KIAA0513: variants seen among roughly 807,000 people sequenced by gnomAD.
The protein encoded by KIAA0513 is uncharacterized protein KIAA0513.
Under a neutral mutation model 56.5 loss-of-function variants are expected in KIAA0513, and 39 were observed. The ratio of observed to expected loss-of-function variants is 0.69; its 90% CI spans 0.53 to 0.90. KIAA0513 has a LOEUF of 0.90. KIAA0513 is among the 40% of genes least tolerant of loss of function. The pLI, the probability that KIAA0513 is intolerant of heterozygous loss-of-function variation, is 0.00. For synonymous variants in KIAA0513, 268 were observed against 215.6 expected (o/e 1.24, Z -2.13); for missense variants, 591 against 535.2 (o/e 1.10, Z -1.03).
Position 85,081,432 on chromosome 16 carries a change from G to A in KIAA0513, c.980+40G>A. On this transcript the variant is annotated intron_variant, in intron 9 of 12. Transcript: ENST00000683363. This position sits in a 1 kb window ranked among gnomAD's most constrained non-coding sequence, Gnocchi z 4.4. ...TGGCCCCATTTGGCCTCAGGAAAAA[G>A]GACCAGGGAGTGGCTTTATTTCCCG... 1 of 1,502,480 alleles carries A rather than the reference G, an allele frequency of 6.7e-7. No homozygotes were observed. The highest frequency in any genetic ancestry group is 9.1e-7 in the Non-Finnish European group (1 of 1,101,998). The allele number at this position is 1,502,480 out of a possible 1,614,324, so 93.1% of individuals were successfully genotyped here.
chr16:85,091,231 C>A lies in KIAA0513; in HGVS notation c.*2906C>A, dbSNP rs2144126047. The A allele has an allele frequency of 6.6e-6, 1 of 152,344 alleles. No homozygotes were observed. Among genetic ancestry groups the A allele is most frequent in the Admixed American group, 6.5e-5 (1 of 15,302 alleles). 9.4% of individuals were successfully genotyped at this position (152,344 alleles called of 1,614,324 possible). Reference sequence around the variant, plus strand: ...GCAAACAACTCACACAAGTGAAAAGCTCCCTGCTTTGAAAACAGGACATGT... The same window carrying A: ...GCAAACAACTCACACAAGTGAAAAGATCCCTGCTTTGAAAACAGGACATGT... On this transcript the variant is annotated 3_prime_UTR_variant, in exon 13 of 13. Coordinates refer to ENST00000683363, the MANE Select transcript of KIAA0513 (RefSeq NM_001388359.1).
At chr16:85,075,670 C>T (rs559930181) in intron 4 of KIAA0513, among the ~76,000 whole-genome samples, 174 bp from the exon 5 acceptor site, 6 of 152,290 alleles carry the variant, frequency 3.9e-5, no homozygotes, top group Admixed American at 2.0e-4. Flanking sequence ...AGTCCCAGGC[C>T]GTGTGCCTAC....
chr16:85,046,757 T>C (rs966195901), intron 1 of KIAA0513, among the ~76,000 whole-genome samples: 55 of 152,260 alleles, frequency 3.6e-4, no homozygotes, highest in African/African-American at 1.3e-3. Context: ...TTTCAGTTAC[T>C]GTATGTTTAG....
At chr16:85,038,290 C>A (rs892447212) in intron 1 of KIAA0513, among the ~76,000 whole-genome samples, 1 of 152,272 alleles carries the variant, frequency 6.6e-6, no homozygotes, top group African/African-American at 2.4e-5. Context: ...GCTGAAGGTG[C>A]TCCTTGCTGC....
At chr16:85,051,915 A>G (rs370487779) in intron 1 of KIAA0513, among the ~76,000 whole-genome samples, 17 of 151,166 alleles carry the variant, frequency 1.1e-4, no homozygotes, top group East Asian at 9.8e-4. Context: ...CAGCCTCCCA[A>G]AGTGCTGGGA....
intron 1 of KIAA0513, among the ~76,000 whole-genome samples, chr16:85,032,672 C>T (rs2072981467): frequency 6.6e-6 from 1 of 152,032 alleles, no homozygotes; most frequent in South Asian, 2.1e-4. Flanking sequence ...AGTCTGTCGT[C>T]CAGGCTGGAG....
chr16:85,077,743 G>A, intron 6 of KIAA0513, 111 bp downstream of exon 6: 1 of 785,486 alleles, frequency 1.3e-6, no homozygotes, highest in Non-Finnish European at 2.0e-6. Context: ...AGACTGTCAG[G>A]AACACTGCGC....
chr16:85,054,888 C>G (rs1201449853), intron 1 of KIAA0513, among the ~76,000 whole-genome samples: 1 of 152,068 alleles, frequency 6.6e-6, no homozygotes, highest in Non-Finnish European at 1.5e-5. Flanking sequence ...TGTGAGGGTT[C>G]ATTGAACGGC....
intron 1 of KIAA0513, among the ~76,000 whole-genome samples, chr16:85,046,917 C>G (rs960937640): frequency 6.6e-6 from 1 of 152,186 alleles, no homozygotes; most frequent in Non-Finnish European, 1.5e-5. Flanking sequence ...ATTCCAATGT[C>G]TCTGTTAGCT....
intron 1 of KIAA0513, among the ~76,000 whole-genome samples, chr16:85,066,229 C>T (rs977630018): frequency 2.0e-5 from 3 of 152,196 alleles, no homozygotes; most frequent in Admixed American, 6.5e-5. Flanking sequence ...AATAGAACTC[C>T]AGGGTGGGAA....
intron 2 of KIAA0513, among the ~76,000 whole-genome samples, chr16:85,069,380 C>CCA (rs2073538552): frequency 6.6e-6 from 1 of 152,110 alleles, no homozygotes; most frequent in Admixed American, 6.5e-5. Flanking sequence ...TGGCCAGCAG[C>CCA]TGATTCAGAA....
At chr16:85,087,703 C>T (rs1023598134) in intron 12 of KIAA0513, among the ~76,000 whole-genome samples, 1 of 152,206 alleles carries the variant, frequency 6.6e-6, no homozygotes, top group Non-Finnish European at 1.5e-5. Context: ...CTGCCACAGG[C>T]GTTGGTTCTT....
intron 11 of KIAA0513, 125 bp downstream of exon 11, chr16:85,086,849 T>TG: frequency 1.1e-6 from 1 of 937,652 alleles, no homozygotes; most frequent in African/African-American, 1.6e-5. Context: ...TTCATCACAC[T>TG]TGGCCTCCAT....
intron 1 of KIAA0513, among the ~76,000 whole-genome samples, chr16:85,052,395 C>G (rs1413377135): frequency 6.6e-6 from 1 of 152,058 alleles, no homozygotes; most frequent in African/African-American, 2.4e-5. Context: ...ACCTGTAATC[C>G]CAGCTACTCG....
intron 4 of KIAA0513, among the ~76,000 whole-genome samples, chr16:85,074,084 C>T (rs2073619786): frequency 6.6e-6 from 1 of 152,058 alleles, no homozygotes; most frequent in Non-Finnish European, 1.5e-5. Context: ...AAGCAATTCT[C>T]CTGCCTCAGC....
At chr16:85,086,798 A>G in intron 11 of KIAA0513, 74 bp downstream of exon 11, 1 of 1,342,108 alleles carries the variant, frequency 7.5e-7, no homozygotes. Context: ...ACCTGGTATC[A>G]CACCCTGGGG....
rs1358002936 is a variant in KIAA0513 at position 85,088,378 on chromosome 16, G to T, written c.*53G>T. On this transcript the variant is annotated 3_prime_UTR_variant, in exon 13 of 13. Transcript: ENST00000683363. ...ACTGAGGCCATGTGCCATTCTCCCG[G>T]GCCCAGCGCCCGGCCGTCACCCCAC... The T allele has an allele frequency of 2.6e-6, 4 of 1,541,386 alleles. No homozygotes were observed. Among genetic ancestry groups the T allele is most frequent in the Non-Finnish European group, 3.6e-6 (4 of 1,125,626 alleles).
chr16:85,059,117 T>C (rs2073368924), intron 1 of KIAA0513, among the ~76,000 whole-genome samples: 1 of 152,222 alleles, frequency 6.6e-6, no homozygotes, highest in Non-Finnish European at 1.5e-5. Context: ...GGACCAACTA[T>C]TAGACCAACT....
intron 1 of KIAA0513, among the ~76,000 whole-genome samples, chr16:85,066,201 G>A (rs2144007109): frequency 6.6e-6 from 1 of 152,302 alleles, no homozygotes; most frequent in South Asian, 2.1e-4. Flanking sequence ...CGTGGCCGAG[G>A]CAGAGGCTTG....
Sources: gnomAD v4.1 joint callset for allele counts (sites outside exome capture counted in the v4.1 genomes callset) on GRCh38, gnomAD v4.1.1 for gene constraint, Gnocchi (gnomAD v3.1) non-coding constraint, MANE v1.5 for transcripts, NCBI Gene and HGNC (gene_info 2026-07-23, HGNC 2026-07-21) for gene names.